PEMT: variants seen among roughly 807,000 people sequenced by gnomAD.
PEMT encodes the protein phosphatidylethanolamine N-methyltransferase.
Under a neutral mutation model 27.4 loss-of-function variants are expected in PEMT, and 23 were observed. That is an observed-to-expected ratio of 0.84 (90% CI 0.60 to 1.19). PEMT has a LOEUF of 1.19. Ranked by LOEUF, PEMT falls within the 50% of genes most tolerant of loss-of-function variation. The pLI is 0.00. For synonymous variants in PEMT, 137 were observed against 139.1 expected (o/e 0.98, Z 0.11); for missense variants, 307 against 310.1 (o/e 0.99, Z 0.07).
intron 2 of PEMT, among the ~76,000 whole-genome samples, chr17:17,550,365 T>C (rs1166585050): frequency 6.6e-6 from 1 of 152,172 alleles, no homozygotes; most frequent in Non-Finnish European, 1.5e-5. Flanking sequence ...AAGAGTCCAT[T>C]TGAGCTTTGC....
intron 1 of PEMT, among the ~76,000 whole-genome samples, chr17:17,586,260 GAAAGAAAGAAAGAAAGAAAGAAAGAAAGA>G (rs1912279636): frequency 1.9e-5 from 2 of 107,366 alleles, no homozygotes; most frequent in Non-Finnish European, 3.7e-5. Context: ...AAGAAAGAAA[GAAAGAAAGAAAGAAAGAAAGAAAGAAAGA>G]AAAAAAAAAA....
chr17:17,576,493 C>T (rs1040805467), intron 2 of PEMT, among the ~76,000 whole-genome samples: 12 of 152,192 alleles, frequency 7.9e-5, no homozygotes, highest in African/African-American at 2.9e-4. Flanking sequence ...GTGGAACACA[C>T]GAGGGGTGGG....
intron 2 of PEMT, among the ~76,000 whole-genome samples, chr17:17,568,059 C>A (rs4646354): frequency 0.63 from 95,521 of 151,832 alleles, 31,048 homozygotes; most frequent in African/African-American, 0.8. Context: ...ACTCACACAC[C>A]TACACACACA....
chr17:17,555,702 C>T (rs1396253450), intron 2 of PEMT, among the ~76,000 whole-genome samples: 2 of 152,220 alleles, frequency 1.3e-5, no homozygotes, highest in Non-Finnish European at 2.9e-5. Context: ...CCACCCAGAC[C>T]ACTAAAGCCT....
chr17:17,586,241 AAAG>A (rs1233917182), intron 1 of PEMT, among the ~76,000 whole-genome samples: 1 of 101,970 alleles, frequency 9.8e-6, no homozygotes, highest in African/African-American at 4.9e-5. Context: ...AGAAAGAAAG[AAAG>A]AAAGAAAGAA....
chr17:17,566,829 C>A (rs1389483802), intron 2 of PEMT, among the ~76,000 whole-genome samples: 1 of 152,194 alleles, frequency 6.6e-6, no homozygotes, highest in Non-Finnish European at 1.5e-5. Context: ...TGAAGGCCAC[C>A]AGCCGGGTCC....
At chr17:17,577,500 A>G in intron 1 of PEMT, 1 of 1,013,904 alleles carries the variant, frequency 9.9e-7, no homozygotes, top group South Asian at 4.1e-5. Context: ...AGTGCACACG[A>G]GGGTGTGAGT....
chr17:17,562,743 A>T (rs755023848), intron 2 of PEMT, among the ~76,000 whole-genome samples: 5 of 152,098 alleles, frequency 3.3e-5, no homozygotes, highest in Non-Finnish European at 1.5e-5. Flanking sequence ...TGGGAGGCAG[A>T]GCTTGCAGTG....
chr17:17,541,905 C>T (rs1407071979), intron 2 of PEMT, among the ~76,000 whole-genome samples: 1 of 152,264 alleles, frequency 6.6e-6, no homozygotes, highest in Non-Finnish European at 1.5e-5. Flanking sequence ...ACACCCAGGG[C>T]TCATCTGCCT....
chr17:17,587,516 T>C (rs922706060), intron 1 of PEMT, among the ~76,000 whole-genome samples: 1 of 152,098 alleles, frequency 6.6e-6, no homozygotes, highest in Non-Finnish European at 1.5e-5. Flanking sequence ...CACAATCTCT[T>C]CCAGAATATG....
At chr17:17,508,978 C>T (rs1229942475) in intron 5 of PEMT, 2 of 285,014 alleles carry the variant, frequency 7.0e-6, no homozygotes, top group Admixed American at 1.0e-4. Flanking sequence ...CAAACTACGG[C>T]CTAGGGGCCA....
chr17:17,529,777 C>T (rs185105751), intron 2 of PEMT, among the ~76,000 whole-genome samples: 112 of 152,336 alleles, frequency 7.4e-4, no homozygotes, highest in Non-Finnish European at 1.1e-3. Flanking sequence ...GCAATAGGAA[C>T]ATGGGCTCTG....
At chr17:17,585,684 G>A (rs1423518509) in intron 1 of PEMT, among the ~76,000 whole-genome samples, 1 of 152,134 alleles carries the variant, frequency 6.6e-6, no homozygotes, top group Non-Finnish European at 1.5e-5. Context: ...CCTTTAGAAG[G>A]AAAGGAAAAT....
At chr17:17,506,970 C>A in intron 5 of PEMT, 1 of 602,776 alleles carries the variant, frequency 1.7e-6, no homozygotes, top group Non-Finnish European at 2.9e-6. Context: ...ACGGGAGGCC[C>A]CAGGCAGAGC....
intron 2 of PEMT, among the ~76,000 whole-genome samples, chr17:17,529,991 G>A (rs1008583987): frequency 3.3e-5 from 5 of 152,074 alleles, no homozygotes; most frequent in East Asian, 1.9e-4. Context: ...AAGCAAGTGC[G>A]GAAGGTGCAC....
intron 3 of PEMT, among the ~76,000 whole-genome samples, chr17:17,518,706 G>A (rs1168689986): frequency 6.6e-6 from 1 of 152,138 alleles, no homozygotes; most frequent in Non-Finnish European, 1.5e-5. Context: ...CCCACCAACC[G>A]ACTCCTGCTG....
At chr17:17,534,542 T>C (rs543158983) in intron 2 of PEMT, among the ~76,000 whole-genome samples, 1 of 152,302 alleles carries the variant, frequency 6.6e-6, no homozygotes, top group South Asian at 2.1e-4. Context: ...AAAACTCAAA[T>C]TGTAGGCAGG....
intron 2 of PEMT, among the ~76,000 whole-genome samples, chr17:17,571,980 G>A (rs1299368425): frequency 2.0e-5 from 3 of 152,186 alleles, no homozygotes; most frequent in Non-Finnish European, 2.9e-5. Flanking sequence ...GATTATAGGC[G>A]TGAGCCACCA....
intron 2 of PEMT, among the ~76,000 whole-genome samples, chr17:17,538,891 A>G (rs1447994426): frequency 6.6e-6 from 1 of 152,234 alleles, no homozygotes; most frequent in Non-Finnish European, 1.5e-5. Flanking sequence ...GTCTGGCTAC[A>G]CAGGCCGATA....
Sources: gnomAD v4.1 joint callset for allele counts (sites outside exome capture counted in the v4.1 genomes callset) on GRCh38, gnomAD v4.1.1 for gene constraint, MANE v1.5 for transcripts, NCBI Gene and HGNC (gene_info 2026-07-23, HGNC 2026-07-21) for gene names.